ZNF285: variants seen among roughly 807,000 people sequenced by gnomAD.
ZNF285 encodes the protein zinc finger protein 285A.
A neutral mutation model predicts 6.2 loss-of-function variants in ZNF285; 4 were observed. That is an observed-to-expected ratio of 0.65 (90% CI 0.32 to 1.49). The LOEUF (loss-of-function observed/expected upper bound fraction) is 1.49. ZNF285 is among the 40% of genes most tolerant of loss of function. ZNF285 has a pLI of 0.07. For missense variants in ZNF285, 695 were observed against 708.8 expected, an observed-to-expected ratio of 0.98 and a Z score of 0.22; for synonymous variants, 240 against 245.8, an observed-to-expected ratio of 0.98 and a Z score of 0.22.
In ZNF285 at chr19:44,384,414, T is replaced by C. The variant is rs373781438; in HGVS notation, c.*2058A>G. The C allele has an allele frequency of 2.8e-3, 422 of 152,316 alleles. 4 individuals carry two copies. Among genetic ancestry groups the C allele is most frequent in the African/African-American group, 8.5e-3 (355 of 41,570 alleles). The allele number at this position is 152,316 out of a possible 1,614,324, so 9.4% of individuals were successfully genotyped here. ...TAGACAAGATCCTCTCCAGCAACTT[T>C]GTACCTGTTTTTCTTTCCCCCACCA... On this transcript the variant is annotated 3_prime_UTR_variant, in exon 4 of 4. Coordinates refer to ENST00000614994, the MANE Select transcript of ZNF285 (RefSeq NM_152354.6).
At chr19:44,391,107 T>C (rs1258705171) in intron 3 of ZNF285, among the ~76,000 whole-genome samples, 1 of 148,196 alleles carries the variant, frequency 6.7e-6, no homozygotes, top group Non-Finnish European at 1.5e-5. Flanking sequence ...TGAGCCAAGA[T>C]AGCACCACTG....
rs937390230 is a variant in ZNF285 at position 44,385,871 on chromosome 19, T to C, written c.*601A>G. 1 of 154,676 alleles carries C rather than the reference T, an allele frequency of 6.5e-6. No individual in the cohort carries two copies. The highest frequency in any genetic ancestry group is 6.3e-5 in the Admixed American group (1 of 15,854). The allele number at this position is 154,676 out of a possible 1,614,324, so 9.6% of individuals were successfully genotyped here. On this transcript the variant is annotated 3_prime_UTR_variant, in exon 4 of 4. Transcript: ENST00000614994. ...TCAATCACATGGGCACACTCTTAAC[T>C]GCAAGGGTTACTGGGAAATAGACTT...
At position 44,388,106 on chromosome 19, in the gene ZNF285, G is replaced by A. The variant is rs202137680; in HGVS notation, c.143-4C>T. On this transcript the variant is annotated splice_region_variant and splice_polypyrimidine_tract_variant and intron_variant, in intron 3 of 3. Coordinates refer to ENST00000614994, the MANE Select transcript of ZNF285 (RefSeq NM_152354.6). ...ATGTTGTTTTTAATCCCGTCTCCTA[G>A]GAGAAGAAAGAGAATTTGGCTAAGA... The A allele has an allele frequency of 7.5e-6, 12 of 1,606,716 alleles. No individual in the cohort carries two copies. The East Asian group carries it at 2.7e-4, about 36-fold the overall frequency.
chr19:44,389,037 C>T (rs1971148071), intron 3 of ZNF285, among the ~76,000 whole-genome samples: 1 of 148,126 alleles, frequency 6.8e-6, no homozygotes, highest in Non-Finnish European at 1.5e-5. Flanking sequence ...TAAGAGACAT[C>T]CTTTTTATTT....
At chr19:44,393,594 G>A (rs1971233129) in intron 2 of ZNF285, among the ~76,000 whole-genome samples, 1 of 152,078 alleles carries the variant, frequency 6.6e-6, no homozygotes, top group African/African-American at 2.4e-5. Flanking sequence ...CACTCTGATG[G>A]TAGTTTCTTT....
intron 2 of ZNF285, chr19:44,394,551 AG>A (rs1971249659): frequency 3.4e-6 from 2 of 589,148 alleles, no homozygotes; most frequent in Non-Finnish European, 6.0e-6. Context: ...CTAAAATAAA[AG>A]TTGGAAAGAA....
Position 44,389,583 on chromosome 19 carries a change from T to A in ZNF285, c.143-1481A>T, listed in dbSNP as rs568602222. On this transcript the variant is annotated intron_variant, in intron 3 of 3. Transcript: ENST00000614994. ...ACTTACATACGATGTGCAATACACT[T>A]CGATAAATTCTTCTGTTTTCTGTTC... 7.2e-5 allele frequency among the ~76,000 whole-genome samples: 11 copies of A among 152,314 alleles called. No individual in the cohort carries two copies. In the East Asian group the frequency reaches 9.6e-4, roughly 13 times the overall value.
In ZNF285 at chr19:44,387,667, T is replaced by C. The variant is rs755969399; in HGVS notation, c.578A>G (p.His193Arg). ...DSLSWTSCDHHESQECKGEDP... is the reference protein window; with the variant it reads ...DSLSWTSCDHRESQECKGEDP... ...CTCTCCTTTACATTCTTGGGACTCA[T>C]GATGATCACATGAGGTCCAACTGAG... Residue 193 changes from histidine to arginine, a missense_variant, in exon 4 of 4, where the codon CAT (histidine) becomes CGT (arginine). Physicochemically the swap from His to Arg is conservative, Grantham distance 29 (BLOSUM62 0). Transcript: ENST00000614994. 3 of 1,613,874 alleles carry C rather than the reference T, an allele frequency of 1.9e-6. No individual in the cohort carries two copies. Among genetic ancestry groups the C allele is most frequent in the Non-Finnish European group, 2.5e-6 (3 of 1,179,840 alleles).
At position 44,387,594 on chromosome 19, in the gene ZNF285, T is replaced by A. The variant is rs756659519; in HGVS notation, c.651A>T (p.Ser217=). ...PSCGKNLGMK[S]TVEKRNAAHV... ...GGGCCGCATTACGTTTTTCAACCGT[T>A]GATTTCATACCCAAGTTTTTCCCAC... Residue 217 remains serine, a synonymous_variant, in exon 4 of 4, where the codon TCA becomes TCT. Transcript: ENST00000614994. 3 of 1,613,966 alleles carry A rather than the reference T, an allele frequency of 1.9e-6. No homozygotes were observed. Among genetic ancestry groups the A allele is most frequent in the Non-Finnish European group, 2.5e-6 (3 of 1,179,860 alleles).
chr19:44,400,125 T>C (rs2258850), intron 1 of ZNF285, among the ~76,000 whole-genome samples: 4,859 of 148,388 alleles, frequency 0.033, 217 homozygotes, highest in East Asian at 0.11. Context: ...GTGGAAAAGG[T>C]GGGGAGCCAA....
intron 2 of ZNF285, chr19:44,394,419 AAAG>A: frequency 4.6e-6 from 2 of 431,982 alleles, no homozygotes; most frequent in Non-Finnish European, 8.1e-6. Context: ...AATAAAAAAA[AAAG>A]AAGTACTGAA....
Position 44,382,483 on chromosome 19 carries a change from A to G in ZNF285, c.*3989T>C, listed in dbSNP as rs113265033. The stretch of plus-strand genomic sequence containing the variant: ...CCAGCTAATTTTGTGTATTTTTAGT[A>G]GAGACGGGGTTTCACTATGTTGGCC... On this transcript the variant is annotated 3_prime_UTR_variant, in exon 4 of 4. Coordinates refer to ENST00000614994, the MANE Select transcript of ZNF285 (RefSeq NM_152354.6). The G allele has an allele frequency of 0.036, 5,531 of 151,940 alleles. 226 individuals carry two copies. Among genetic ancestry groups the G allele is most frequent in the African/African-American group, 0.1 (4,268 of 41,356 alleles). The allele number at this position is 151,940 out of a possible 1,614,324, so 9.4% of individuals were successfully genotyped here.
chr19:44,388,606 A>G (rs1210279457), intron 3 of ZNF285, among the ~76,000 whole-genome samples: 3 of 152,004 alleles, frequency 2.0e-5, no homozygotes, highest in African/African-American at 7.3e-5. Flanking sequence ...AGGAAATCTT[A>G]GGAAAATTTT....
At chr19:44,401,116 G>C (rs892593) in intron 1 of ZNF285, among the ~76,000 whole-genome samples, 60,691 of 151,766 alleles carry the variant, frequency 0.4, 16,211 homozygotes, top group East Asian at 0.75. Flanking sequence ...GAGAACAGCC[G>C]AAGCCATCCT....
At position 44,386,615 on chromosome 19, in the gene ZNF285, C is replaced by T; in HGVS notation, c.1630G>A (p.Ala544Thr). 6.2e-7 allele frequency: 1 copy of T among 1,614,174 alleles called. No individual in the cohort carries two copies. The highest frequency in any genetic ancestry group is 8.5e-7 in the Non-Finnish European group (1 of 1,180,026). Residue 544 changes from alanine to threonine, a missense_variant, in exon 4 of 4, where the codon GCA becomes ACA. Transcript: ENST00000614994. Reference sequence around the variant, plus strand: ...TTACGACTGAAGCCCTTACCACATGCCTTACACTTATAGGGCCTCTCTCCT... The same window carrying T: ...TTACGACTGAAGCCCTTACCACATGTCTTACACTTATAGGGCCTCTCTCCT... ...HTGERPYKCK[A>T]CGKGFSRNSY...
At chr19:44,399,938 T>C (rs974626026) in intron 1 of ZNF285, among the ~76,000 whole-genome samples, 5 of 151,470 alleles carry the variant, frequency 3.3e-5, no homozygotes, top group Admixed American at 3.3e-4. Context: ...ACCCAAACTA[T>C]GACCTGTTGT....
At chr19:44,388,325 A>C (rs1393516352) in intron 3 of ZNF285, among the ~76,000 whole-genome samples, 1 of 152,014 alleles carries the variant, frequency 6.6e-6, no homozygotes, top group East Asian at 1.9e-4. Flanking sequence ...CATGCCTGTA[A>C]CAGCAACACT....
chr19:44,392,259 T>A, intron 3 of ZNF285, 81 bp downstream of exon 3: 1 of 1,579,924 alleles, frequency 6.3e-7, no homozygotes, highest in Non-Finnish European at 8.6e-7. Context: ...TTTCTCTTTG[T>A]GGTCTAACTG....
rs777017126 is a variant in ZNF285 at position 44,386,777 on chromosome 19, C to T, written c.1468G>A (p.Gly490Arg). ...GEKPYKCEVC[G>R]KCFSYSSYFH... ...TATGAACTGTAACTGAAGCACTTTCCACACACTTCACATTTATATGGTTTT... is the reference window on the plus strand; with the variant it reads ...TATGAACTGTAACTGAAGCACTTTCTACACACTTCACATTTATATGGTTTT... The change falls in exon 4 of 4, where the codon GGA (glycine) becomes AGA (arginine). Residue 490 changes from glycine (G) to arginine (R), a missense_variant. By Grantham distance (125) the Gly-to-Arg change is moderately radical. Transcript: ENST00000614994. The T allele has an allele frequency of 1.2e-6, 2 of 1,614,216 alleles. No individual in the cohort carries two copies. Among genetic ancestry groups the T allele is most frequent in the South Asian group, 1.1e-5 (1 of 91,082 alleles).
Sources: allele counts gnomAD v4.1 joint callset (sites outside exome capture counted in the v4.1 genomes callset), GRCh38; gene constraint gnomAD v4.1.1; transcripts MANE v1.5; gene names NCBI Gene and HGNC (gene_info 2026-07-23, HGNC 2026-07-21).